Variants in SINHCAF observed in about 807,000 individuals in gnomAD.
SINHCAF encodes the protein SIN3-HDAC complex associated factor.
Under a neutral mutation model 25.8 loss-of-function variants are expected in SINHCAF, and 3 were observed. That is an observed-to-expected ratio of 0.12 (90% confidence interval 0.05 to 0.30). The LOEUF is 0.30. Among genes scored for constraint, SINHCAF ranks in the 10% least tolerant of loss-of-function variants. The pLI is 1.00. For missense variants in SINHCAF, 121 were observed against 262.3 expected, an observed-to-expected ratio of 0.46 and a Z score of 3.72; for synonymous variants, 70 against 85.5, an observed-to-expected ratio of 0.82 and a Z score of 1.00.
Position 31,280,644 on chromosome 12 carries a change from A to G in SINHCAF, c.*2068T>C, listed in dbSNP as rs1937753731. 1 of 152,622 alleles carries G rather than the reference A, an allele frequency of 6.6e-6. No individual in the cohort carries two copies. The highest frequency in any genetic ancestry group is 2.4e-5 in the African/African-American group (1 of 41,452). The allele number at this position is 152,622 out of a possible 1,614,324, so 9.5% of individuals were successfully genotyped here. ...CCTAGTAAAAGTTTTGATTATAAGT[A>G]TCCAACAGTATAAAAAGTACAAAAC... On this transcript the variant is annotated 3_prime_UTR_variant, in exon 6 of 6. Coordinates refer to ENST00000337682, the MANE Select transcript of SINHCAF (RefSeq NM_001135812.2).
At chr12:31,321,764 T>C (rs561771733) in intron 1 of SINHCAF, among the ~76,000 whole-genome samples, 1 of 152,240 alleles carries the variant, frequency 6.6e-6, no homozygotes, top group Admixed American at 6.5e-5. Flanking sequence ...AAAACGAAAA[T>C]GACATACTTT....
At position 31,303,160 on chromosome 12, in the gene SINHCAF, G is replaced by C. The variant is rs1285780544; in HGVS notation, c.-20-4936C>G. 5 of 985,272 alleles carry C rather than the reference G, an allele frequency of 5.1e-6. No individual in the cohort carries two copies. The Admixed American group carries it at 3.1e-4, about 61-fold the overall frequency. 61.0% of individuals were successfully genotyped at this position (985,272 alleles called of 1,614,324 possible). ...TGATCTAACTGACATAGCTGCCTTTGCACGTACACATTCTTCAGCCAGAAC... is the reference window on the plus strand; with the variant it reads ...TGATCTAACTGACATAGCTGCCTTTCCACGTACACATTCTTCAGCCAGAAC... On this transcript the variant is annotated intron_variant, in intron 1 of 5. Coordinates refer to ENST00000337682, the MANE Select transcript of SINHCAF (RefSeq NM_001135812.2).
intron 4 of SINHCAF, among the ~76,000 whole-genome samples, chr12:31,290,472 C>G (rs188572433): frequency 3.6e-4 from 55 of 152,140 alleles, no homozygotes; most frequent in Admixed American, 3.0e-3. Context: ...CAAATATTTA[C>G]ATAAAACAGC....
chr12:31,311,617 A>T, intron 1 of SINHCAF: 1 of 367,834 alleles, frequency 2.7e-6, no homozygotes, highest in Non-Finnish European at 5.2e-6. Flanking sequence ...AGGGCCAAGC[A>T]TGGCGGCTGC....
Position 31,295,342 on chromosome 12 carries a change from A to T in SINHCAF, c.129-9T>A. The T allele has an allele frequency of 1.3e-6, 2 of 1,565,078 alleles. No homozygotes were observed. On this transcript the variant is annotated splice_polypyrimidine_tract_variant and intron_variant, in intron 2 of 5. Transcript: ENST00000337682. ...AACGAGTCTCATGCAATCTGATAAG[A>T]AAACAATCAAACCTTTATCAGTCTC...
rs578081997 is a variant in SINHCAF at position 31,314,513 on chromosome 12, G to A, written c.-21+11511C>T. ...TGCACTCCAGCCTGGGCAACAGAGCGAGACTCCGTCTCAAAAAAAAAAGAA... is the reference window on the plus strand; with the variant it reads ...TGCACTCCAGCCTGGGCAACAGAGCAAGACTCCGTCTCAAAAAAAAAAGAA... On this transcript the variant is annotated intron_variant, in intron 1 of 5. Transcript: ENST00000337682. Among the ~76,000 whole-genome samples the A allele has an allele frequency of 7.9e-5, 12 of 151,728 alleles. No homozygotes were observed. The East Asian group carries it at 1.8e-3, about 23-fold the overall frequency.
At chr12:31,303,644 G>A (rs1938898958) in intron 1 of SINHCAF, 1 of 152,174 alleles carries the variant, frequency 6.6e-6, no homozygotes, top group Admixed American at 6.5e-5. Flanking sequence ...ACTTACGTAA[G>A]TTGGTTATAA....
chr12:31,286,460 G>C (rs895143809), intron 5 of SINHCAF, among the ~76,000 whole-genome samples: 1 of 151,848 alleles, frequency 6.6e-6, no homozygotes, highest in Admixed American at 6.6e-5. Context: ...TCAGGAGTTC[G>C]AGACCAGCCT....
chr12:31,318,991 A>C (rs185752143), intron 1 of SINHCAF, among the ~76,000 whole-genome samples: 1 of 152,360 alleles, frequency 6.6e-6, no homozygotes, highest in Admixed American at 6.5e-5. Context: ...ATTTAACTGA[A>C]GGTAAAATTC....
chr12:31,314,509 G>C (rs1010559371), intron 1 of SINHCAF, among the ~76,000 whole-genome samples: 15 of 151,790 alleles, frequency 9.9e-5, no homozygotes, highest in South Asian at 2.1e-4. Context: ...CTGGGCAACA[G>C]AGCGAGACTC....
chr12:31,296,903 TGCACA>T, intron 2 of SINHCAF: 1 of 365,090 alleles, frequency 2.7e-6, no homozygotes, highest in Non-Finnish European at 5.5e-6. Flanking sequence ...AGTAAGGTGG[TGCACA>T]CCTGTAGTCC....
chr12:31,324,836 T>C lies in SINHCAF; in HGVS notation c.-21+1188A>G, dbSNP rs957017591. 5.2e-6 allele frequency: 2 copies of C among 387,064 alleles called. No homozygotes were observed. Among genetic ancestry groups the C allele is most frequent in the East Asian group, 7.3e-5 (1 of 13,724 alleles). 24.0% of individuals were successfully genotyped at this position (387,064 alleles called of 1,614,324 possible). A position where few individuals can be genotyped will look rare whatever the true frequency, so the allele number is the denominator to read the frequency against. On this transcript the variant is annotated intron_variant, in intron 1 of 5. Transcript: ENST00000337682. The surrounding 1 kb of genome is among the most constrained non-coding windows in gnomAD (Gnocchi z 5.5). Reference sequence around the variant, plus strand: ...GGCCCATTTAATCAAAGTTTTGCAGTGTCCTTGATGAGAAACGCCCGGAGT... The same window carrying C: ...GGCCCATTTAATCAAAGTTTTGCAGCGTCCTTGATGAGAAACGCCCGGAGT...
At chr12:31,313,861 G>C (rs1338407409) in intron 1 of SINHCAF, among the ~76,000 whole-genome samples, 2 of 151,808 alleles carry the variant, frequency 1.3e-5, no homozygotes, top group Non-Finnish European at 2.9e-5. Flanking sequence ...TAATGACCAG[G>C]CTAGGCTGGT....
At chr12:31,318,740 G>T (rs1276097907) in intron 1 of SINHCAF, among the ~76,000 whole-genome samples, 2 of 151,692 alleles carry the variant, frequency 1.3e-5, no homozygotes, top group Non-Finnish European at 2.9e-5. Context: ...GAAAGTGTCA[G>T]AAAGAATATT....
intron 1 of SINHCAF, chr12:31,311,731 GACTTT>G (rs1939279423): frequency 2.0e-6 from 1 of 509,600 alleles, no homozygotes. Flanking sequence ...GTCTCCCAGT[GACTTT>G]ATCACTCCAT....
rs138716014 is a variant in SINHCAF, at chr12:31,292,879, TTCTC to T, written c.355+922_355+925del. On this transcript the variant is annotated intron_variant, in intron 4 of 5. Transcript: ENST00000337682. ...GATAACCATGTCTTGATTGATAATG[TTCTC>T]TCTAACAGGGCCCTATAGATTTTTT... is the stretch of plus-strand genomic sequence containing the variant. Among the ~76,000 whole-genome samples, 414 of 152,274 alleles carry T rather than the reference TTCTC, an allele frequency of 2.7e-3. 1 individual carries two copies. Among genetic ancestry groups the T allele is most frequent in the African/African-American group, 9.1e-3 (380 of 41,552 alleles).
rs755253093 is a variant in SINHCAF, at chr12:31,295,322, G to A, written c.140C>T (p.Thr47Ile). 1 of 1,605,666 alleles carries A rather than the reference G, an allele frequency of 6.2e-7. No homozygotes were observed. The highest frequency in any genetic ancestry group is 1.1e-5 in the South Asian group (1 of 90,220). The stretch of plus-strand genomic sequence containing the variant: ...GGCATTGCAGATGTCTCCTGAACGA[G>A]TCTCATGCAATCTGATAAGAAAACA... Reference protein sequence around the residue: ...DFQSCFGLHETRSGDICNACV... With the variant: ...DFQSCFGLHEIRSGDICNACV... Residue 47 changes from threonine to isoleucine, a missense_variant, in exon 3 of 6, where the codon ACT becomes ATT. Physicochemically the swap from Thr to Ile is moderately conservative, Grantham distance 89. Coordinates refer to ENST00000337682, the MANE Select transcript of SINHCAF (RefSeq NM_001135812.2).
intron 1 of SINHCAF, among the ~76,000 whole-genome samples, chr12:31,318,086 T>C (rs944947971): frequency 6.6e-6 from 1 of 152,206 alleles, no homozygotes. Flanking sequence ...ATGCTATCAT[T>C]AATCACATTT....
chr12:31,301,944 T>C (rs1280813733), intron 1 of SINHCAF, among the ~76,000 whole-genome samples: 1 of 152,168 alleles, frequency 6.6e-6, no homozygotes, highest in East Asian at 1.9e-4. Flanking sequence ...ACCAAATTTG[T>C]GCAATATTAA....
Sources: gnomAD v4.1 joint callset for allele counts (sites outside exome capture counted in the v4.1 genomes callset) on GRCh38, gnomAD v4.1.1 for gene constraint, Gnocchi (gnomAD v3.1) non-coding constraint, MANE v1.5 for transcripts, NCBI Gene and HGNC (gene_info 2026-07-23, HGNC 2026-07-21) for gene names.